The following WT1 variants were observed in gnomAD, a reference collection of about 807,000 sequenced individuals.
WT1 encodes Wilms tumor protein.
In WT1, 8 loss-of-function variants were observed where a neutral mutation model predicts 60.8. The observed-to-expected ratio is 0.13, with a 90% CI of 0.08 to 0.24. WT1 has a LOEUF of 0.24. Among genes scored for constraint, WT1 ranks in the 10% least tolerant of loss-of-function variants. The probability of loss-of-function intolerance (pLI) is 1.00; values close to 1 mark genes in which losing one functional copy is unlikely to be tolerated. For missense variants in WT1, 568 were observed against 711.8 expected (o/e 0.80, Z 2.30); for synonymous variants, 312 against 297.1 (o/e 1.05, Z -0.52).
At chr11:32,398,198 C>T (rs566692397) in intron 6 of WT1, among the ~76,000 whole-genome samples, 1 of 152,294 alleles carries the variant, frequency 6.6e-6, no homozygotes, top group East Asian at 1.9e-4. Flanking sequence ...CGTGACACTT[C>T]TGGAAACATT....
chr11:32,435,539 T>C lies in WT1; in HGVS notation c.-179A>G. The C allele has an allele frequency of 1.0e-6, 1 of 1,004,984 alleles. No homozygotes were observed. Among genetic ancestry groups the C allele is most frequent in the South Asian group, 1.7e-5 (1 of 59,726 alleles). 62.3% of individuals were successfully genotyped at this position (1,004,984 alleles called of 1,614,324 possible). The stretch of plus-strand genomic sequence containing the variant: ...CCTTGAACTCCTTACCCCAGCTGCC[T>C]GGCTGCCCTCAGCTTCCCAAAGCTC... On this transcript the variant is annotated 5_prime_UTR_variant, in exon 1 of 10. Coordinates refer to ENST00000452863, the MANE Select transcript of WT1 (RefSeq NM_024426.6).
At position 32,435,228 on chromosome 11, in the gene WT1, A is replaced by G. The variant is rs1186470250; in HGVS notation, c.133T>C (p.Trp45Arg). ...GCCTCGGCGGCGCCTAACTTGGCCC[A>G]GATGCCGCCCGGGTCCCGGACTCCC... The change falls in exon 1 of 10, where the codon TGG (tryptophan) becomes CGG (arginine). Residue 45 changes from tryptophan (W) to arginine (R), a missense_variant. Around this residue, in one of 3 missense-constraint regions of WT1, gnomAD observed 523 missense variants for 565.1 expected, o/e 0.93. Coordinates refer to ENST00000452863, the MANE Select transcript of WT1 (RefSeq NM_024426.6). 2.0e-5 allele frequency: 31 copies of G among 1,535,500 alleles called. No homozygotes were observed. The highest frequency in any genetic ancestry group is 2.7e-5 in the Non-Finnish European group (31 of 1,146,984).
intron 9 of WT1, among the ~76,000 whole-genome samples, chr11:32,391,118 G>T (rs1851804960): frequency 6.6e-6 from 1 of 152,060 alleles, no homozygotes; most frequent in East Asian, 1.9e-4. Context: ...CCAAATAGCT[G>T]GGACTATAGG....
intron 9 of WT1, among the ~76,000 whole-genome samples, chr11:32,390,589 T>G (rs1851787812): frequency 6.6e-6 from 1 of 152,156 alleles, no homozygotes; most frequent in South Asian, 2.1e-4. Flanking sequence ...TGATGTCATG[T>G]TTTCCTTCAC....
At position 32,432,349 on chromosome 11, in the gene WT1, C is replaced by T. The variant is rs1287412136; in HGVS notation, c.661+2351G>A. On this transcript the variant is annotated intron_variant, in intron 1 of 9. Transcript: ENST00000452863. ...TCACAGCCCAAGTCTTGGGCCAGGC[C>T]CTGCATTCCTGGGGAAGCAGCAGGA... 2.6e-5 allele frequency among the ~76,000 whole-genome samples: 4 copies of T among 152,258 alleles called. No homozygotes were observed. In the East Asian group the frequency reaches 5.8e-4, roughly 22 times the overall value.
intron 6 of WT1, among the ~76,000 whole-genome samples, chr11:32,398,399 A>T (rs1181330996): frequency 6.6e-6 from 1 of 152,204 alleles, no homozygotes; most frequent in Non-Finnish European, 1.5e-5. Context: ...CACCCAAAAC[A>T]GAGACTCTGC....
chr11:32,432,226 T>C (rs1590404744), intron 1 of WT1, among the ~76,000 whole-genome samples: 2 of 152,210 alleles, frequency 1.3e-5, no homozygotes, highest in South Asian at 4.1e-4. Flanking sequence ...TAGACTGCCC[T>C]AGGGATCCAG....
Position 32,423,679 on chromosome 11 carries a change from T to C in WT1, c.887+4277A>G, listed in dbSNP as rs114825644. ...TTGAACACCACTTCCGTCCCTTAAC[T>C]GTGTCACACTGGGGAAATTTACTTC... On this transcript the variant is annotated intron_variant, in intron 3 of 9. Coordinates refer to ENST00000452863, the MANE Select transcript of WT1 (RefSeq NM_024426.6). Among the ~76,000 whole-genome samples, 834 of 152,314 alleles carry C rather than the reference T, an allele frequency of 5.5e-3. 11 individuals carry two copies. The highest frequency in any genetic ancestry group is 0.019 in the African/African-American group (787 of 41,564).
intron 7 of WT1, among the ~76,000 whole-genome samples, chr11:32,392,972 TAAAA>T (rs111384963): frequency 1.5e-5 from 2 of 134,778 alleles, no homozygotes; most frequent in Non-Finnish European, 1.6e-5. Flanking sequence ...GCTCTGCCAT[TAAAA>T]AAAAAAAAAA....
At position 32,428,063 on chromosome 11, in the gene WT1, A is replaced by G. The variant is rs1448626195; in HGVS notation, c.785-5T>C. 1.3e-6 allele frequency: 2 copies of G among 1,597,760 alleles called. No individual in the cohort carries two copies. Among genetic ancestry groups the G allele is most frequent in the Admixed American group, 3.4e-5 (2 of 59,074 alleles). ...GCACCGAGTACTGCTGCTCACCTGCAGAGAGAACCGAAGACAGCTGAGCGA... is the reference window on the plus strand; with the variant it reads ...GCACCGAGTACTGCTGCTCACCTGCGGAGAGAACCGAAGACAGCTGAGCGA... On this transcript the variant is annotated splice_polypyrimidine_tract_variant and splice_region_variant and intron_variant, in intron 2 of 9. Transcript: ENST00000452863.
rs765230888 is a variant in WT1 at position 32,428,040 on chromosome 11, A to G, written c.803T>C (p.Val268Ala). The stretch of plus-strand genomic sequence containing the variant: ...GTGGCAGCCATAGACCGGGGGCGGC[A>G]CCGAGTACTGCTGCTCACCTGCAGA... Residue 268 changes from valine to alanine, a missense_variant, in exon 3 of 10, where the codon GTG becomes GCG. Val to Ala is a moderately conservative substitution (Grantham distance 64). Transcript: ENST00000452863. 6.2e-7 allele frequency: 1 copy of G among 1,608,466 alleles called. No individual in the cohort carries two copies. The highest frequency in any genetic ancestry group is 8.5e-7 in the Non-Finnish European group (1 of 1,176,876).
chr11:32,405,212 G>A (rs1852271814), intron 5 of WT1, among the ~76,000 whole-genome samples: 1 of 152,110 alleles, frequency 6.6e-6, no homozygotes, highest in Admixed American at 6.6e-5. Flanking sequence ...CTGACCAACA[G>A]AGGCAGCCAC....
chr11:32,400,397 G>GA, intron 5 of WT1: 1 of 388,072 alleles, frequency 2.6e-6, no homozygotes, highest in Non-Finnish European at 5.0e-6. Context: ...GGTATCTCAG[G>GA]AATGAGCAGA....
At position 32,389,103 on chromosome 11, in the gene WT1, G is replaced by T. The variant is rs1451629862; in HGVS notation, c.1524C>A (p.His508Gln). 5 of 1,614,250 alleles carry T rather than the reference G, an allele frequency of 3.1e-6. No homozygotes were observed. Among genetic ancestry groups the T allele is most frequent in the Non-Finnish European group, 4.2e-6 (5 of 1,180,034 alleles). Reference sequence around the variant, plus strand: ...TGGTCATGTTTCTCTGATGCATGTTGTGATGGCGGACTAATTCATCTGACC... The same window carrying T: ...TGGTCATGTTTCTCTGATGCATGTTTTGATGGCGGACTAATTCATCTGACC... The change falls in exon 10 of 10, where the codon CAC becomes CAA. Residue 508 changes from histidine (H) to glutamine (Q), a missense_variant. By Grantham distance (24) the His-to-Gln change is conservative (BLOSUM62 0). Transcript: ENST00000452863.
At position 32,435,002 on chromosome 11, in the gene WT1, G is replaced by A; in HGVS notation, c.359C>T (p.Ala120Val). The A allele has an allele frequency of 6.7e-7, 1 of 1,494,470 alleles. No individual in the cohort carries two copies. Among genetic ancestry groups the A allele is most frequent in the Non-Finnish European group, 8.8e-7 (1 of 1,131,702 alleles). 92.6% of individuals were successfully genotyped at this position (1,494,470 alleles called of 1,614,324 possible). A position where few individuals can be genotyped will look rare whatever the true frequency, so the allele number is the denominator to read the frequency against. ...CGCGGGGCCGCCCAACGACCCGTAA[G>A]CCGAAGCGCCCGGGGGCGCAAAGTC... is the stretch of plus-strand genomic sequence containing the variant. The change falls in exon 1 of 10, where the codon GCT becomes GTT. Residue 120 changes from alanine to valine, a missense_variant. Physicochemically the swap from Ala to Val is moderately conservative, Grantham distance 64. Coordinates refer to ENST00000452863, the MANE Select transcript of WT1 (RefSeq NM_024426.6).
At chr11:32,421,034 C>G (rs1375164594) in intron 3 of WT1, among the ~76,000 whole-genome samples, 1 of 152,192 alleles carries the variant, frequency 6.6e-6, no homozygotes, top group Non-Finnish European at 1.5e-5. Context: ...CTGGCTGGGG[C>G]TCCTCAGCTG....
intron 3 of WT1, 52 bp downstream of exon 3, chr11:32,427,904 C>T (rs2133071661): frequency 2.6e-6 from 4 of 1,537,818 alleles, no homozygotes; most frequent in Non-Finnish European, 2.6e-6. Flanking sequence ...CCGGCTCATG[C>T]GTCCCCTCCG....
intron 1 of WT1, among the ~76,000 whole-genome samples, chr11:32,430,978 G>T (rs12575247): frequency 6.6e-6 from 1 of 152,108 alleles, no homozygotes; most frequent in Non-Finnish European, 1.5e-5. Flanking sequence ...GTGTTCAAAG[G>T]CTCCTTGTAC....
At chr11:32,431,765 C>A (rs1853320824) in intron 1 of WT1, among the ~76,000 whole-genome samples, 1 of 152,038 alleles carries the variant, frequency 6.6e-6, no homozygotes, top group Non-Finnish European at 1.5e-5. Flanking sequence ...TCTGGGGCTA[C>A]TCAAGTCCTC....
Sources: gnomAD v4.1 joint callset for allele counts (sites outside exome capture counted in the v4.1 genomes callset) on GRCh38, gnomAD v4.1.1 for gene constraint, gnomAD v4.1.1 regional missense constraint, MANE v1.5 for transcripts, NCBI Gene and HGNC (gene_info 2026-07-23, HGNC 2026-07-21) for gene names.